Variants in SAMMSON observed in about 807,000 individuals in gnomAD.
The protein encoded by SAMMSON is survival associated mitochondrial melanoma specific oncogenic non-coding RNA.
At chr3:70,341,820 C>T (rs1702713275) in intron 7 of SAMMSON, among the ~76,000 whole-genome samples, 4 of 147,580 alleles carry the variant, frequency 2.7e-5, no homozygotes, top group African/African-American at 1.0e-4. Context: ...CAGTGTCTAG[C>T]ACACGATAGG....
At chr3:70,036,766 T>C (rs1174718582) in intron 3 of SAMMSON, among the ~76,000 whole-genome samples, 2 of 151,992 alleles carry the variant, frequency 1.3e-5, no homozygotes, top group Non-Finnish European at 2.9e-5. Flanking sequence ...GGAACCAGGA[T>C]TACTCTTTAA....
intron 4 of SAMMSON, among the ~76,000 whole-genome samples, chr3:70,134,743 A>G (rs1453911573): frequency 6.6e-6 from 1 of 152,172 alleles, no homozygotes; most frequent in Non-Finnish European, 1.5e-5. Context: ...TATTTCTAAA[A>G]CAAATATATG....
intron 2 of SAMMSON, among the ~76,000 whole-genome samples, chr3:70,404,434 A>G (rs1264655876): frequency 6.6e-6 from 1 of 152,142 alleles, no homozygotes; most frequent in Non-Finnish European, 1.5e-5. Flanking sequence ...ATTCAGAGAT[A>G]CCCGGTAGAC....
At chr3:70,204,090 A>T (rs568368742) in intron 4 of SAMMSON, among the ~76,000 whole-genome samples, 6 of 152,204 alleles carry the variant, frequency 3.9e-5, no homozygotes, top group Admixed American at 3.9e-4. Context: ...CAAAATCTGC[A>T]TGTGTGAGGC....
intron 4 of SAMMSON, among the ~76,000 whole-genome samples, chr3:70,161,709 C>A (rs2067616255): frequency 6.6e-6 from 1 of 151,660 alleles, no homozygotes; most frequent in Admixed American, 6.6e-5. Flanking sequence ...GTTTTTCTTC[C>A]TCTTTTATTT....
chr3:70,092,484 C>A (rs1435259866), intron 4 of SAMMSON, among the ~76,000 whole-genome samples: 1 of 144,796 alleles, frequency 6.9e-6, no homozygotes, highest in Non-Finnish European at 1.5e-5. Flanking sequence ...TCATTGTTTT[C>A]TCATCATTCG....
intron 4 of SAMMSON, chr3:70,196,876 A>G: frequency 2.5e-6 from 1 of 398,256 alleles, no homozygotes; most frequent in Non-Finnish European, 4.4e-6. Context: ...TTGTAATGGA[A>G]TTTCCCACCG....
intron 4 of SAMMSON, among the ~76,000 whole-genome samples, chr3:70,194,899 C>T (rs1701161430): frequency 6.6e-6 from 1 of 152,026 alleles, no homozygotes; most frequent in Admixed American, 6.6e-5. Context: ...GGGGTGGGTG[C>T]TCAGAGAGGA....
chr3:70,426,318 A>G (rs1372098162), intron 2 of SAMMSON, among the ~76,000 whole-genome samples: 2 of 152,224 alleles, frequency 1.3e-5, no homozygotes, highest in African/African-American at 4.8e-5. Context: ...AACAGAGCAT[A>G]TATTTCATTA....
At chr3:70,169,007 A>G (rs931610876) in intron 4 of SAMMSON, among the ~76,000 whole-genome samples, 1 of 151,954 alleles carries the variant, frequency 6.6e-6, no homozygotes, top group African/African-American at 2.4e-5. Context: ...AAACAAGGGG[A>G]AGACATCATG....
intron 3 of SAMMSON, among the ~76,000 whole-genome samples, chr3:70,032,570 G>C (rs568523554): frequency 3.3e-5 from 5 of 152,288 alleles, no homozygotes; most frequent in Admixed American, 2.6e-4. Flanking sequence ...TTGACAGCTA[G>C]GGCTGCAGAT....
intron 7 of SAMMSON, among the ~76,000 whole-genome samples, chr3:70,348,879 G>T (rs1702771726): frequency 6.6e-6 from 1 of 152,078 alleles, no homozygotes; most frequent in South Asian, 2.1e-4. Flanking sequence ...TTCAACACTA[G>T]ATCTTACGGT....
chr3:70,343,455 G>A (rs914595396), intron 7 of SAMMSON, among the ~76,000 whole-genome samples: 4 of 151,998 alleles, frequency 2.6e-5, no homozygotes, highest in African/African-American at 9.7e-5. Flanking sequence ...CTTCTGGTTA[G>A]GTATTTTGTA....
At chr3:70,156,248 G>A (rs1478663181) in intron 4 of SAMMSON, among the ~76,000 whole-genome samples, 2 of 152,054 alleles carry the variant, frequency 1.3e-5, no homozygotes, top group Non-Finnish European at 2.9e-5. Flanking sequence ...GAGCTGAAGA[G>A]GAAATACAAT....
chr3:70,054,403 C>G (rs1283845394), intron 3 of SAMMSON, among the ~76,000 whole-genome samples: 1 of 152,250 alleles, frequency 6.6e-6, no homozygotes, highest in African/African-American at 2.4e-5. Flanking sequence ...CAAATAATTC[C>G]TGAACTAATC....
At chr3:70,156,386 C>G (rs1291150032) in intron 4 of SAMMSON, among the ~76,000 whole-genome samples, 1 of 152,052 alleles carries the variant, frequency 6.6e-6, no homozygotes, top group East Asian at 1.9e-4. Flanking sequence ...TTGAAAGTCT[C>G]TCTTATCCAG....
intron 2 of SAMMSON, among the ~76,000 whole-genome samples, chr3:70,397,165 A>G (rs1292819153): frequency 6.6e-6 from 1 of 152,204 alleles, no homozygotes; most frequent in Non-Finnish European, 1.5e-5. Flanking sequence ...CTATTATAAA[A>G]TTGAGATATT....
downstream of SAMMSON, among the ~76,000 whole-genome samples, chr3:70,394,783 C>A (rs1297526697): frequency 6.6e-6 from 1 of 152,130 alleles, no homozygotes; most frequent in Non-Finnish European, 1.5e-5. Flanking sequence ...ATAAACCCAC[C>A]CATCATGGGA....
At chr3:70,192,963 A>G (rs771282141) in intron 4 of SAMMSON, among the ~76,000 whole-genome samples, 1 of 152,044 alleles carries the variant, frequency 6.6e-6, no homozygotes, top group Non-Finnish European at 1.5e-5. Flanking sequence ...TGCCTTACGG[A>G]TGTTTAGCAA....
Sources: allele counts gnomAD v4.1 joint callset (sites outside exome capture counted in the v4.1 genomes callset), GRCh38; gene constraint gnomAD v4.1.1; transcripts MANE v1.5; gene names NCBI Gene and HGNC (gene_info 2026-07-23, HGNC 2026-07-21).